Variants in C1QTNF3 observed in about 807,000 individuals in gnomAD.
C1QTNF3 encodes the protein C1q and TNF related 3.
C1QTNF3 carries 26 observed loss-of-function variants against 32.6 expected under a neutral mutation model. The ratio of observed to expected loss-of-function variants is 0.80; its 90% CI spans 0.58 to 1.11. The LOEUF is 1.11. C1QTNF3 is among the 50% of genes least tolerant of loss of function. The pLI, the probability that C1QTNF3 is intolerant of heterozygous loss-of-function variation, is 0.00. For missense variants in C1QTNF3, 362 were observed against 398.2 expected, an observed-to-expected ratio of 0.91 and a Z score of 0.77; for synonymous variants, 155 against 146.0, an observed-to-expected ratio of 1.06 and a Z score of -0.44.
At chr5:34,047,931 C>A (rs1038065205), upstream of C1QTNF3, among the ~76,000 whole-genome samples, 17 of 152,128 alleles carry the variant, frequency 1.1e-4, no homozygotes, top group Non-Finnish European at 1.6e-4. Context: ...CAGTACAGGG[C>A]AAAATGAGGA....
the C1QTNF3 span, among the ~76,000 whole-genome samples, chr5:34,187,478 T>C: frequency 6.6e-6 from 1 of 152,310 alleles, no homozygotes; most frequent in African/African-American, 2.4e-5. Context: ...TGAATGGCTT[T>C]GACCAAAATG....
chr5:34,210,621 T>C, the C1QTNF3 span, among the ~76,000 whole-genome samples: 1 of 152,018 alleles, frequency 6.6e-6, no homozygotes, highest in Non-Finnish European at 1.5e-5. Context: ...GGCCTACTTA[T>C]ATGCCATTAT....
chr5:34,163,084 T>C, the C1QTNF3 span, among the ~76,000 whole-genome samples: 3 of 152,220 alleles, frequency 2.0e-5, no homozygotes, highest in Admixed American at 6.5e-5. Context: ...ATATAACTTC[T>C]GTACAAATTA....
chr5:34,059,840 A>G, the C1QTNF3 span, among the ~76,000 whole-genome samples: 1 of 152,128 alleles, frequency 6.6e-6, no homozygotes, highest in Non-Finnish European at 1.5e-5. Flanking sequence ...AATAGCTATG[A>G]CCTGTAAAGA....
chr5:34,137,613 T>C, the C1QTNF3 span, among the ~76,000 whole-genome samples: 1 of 152,242 alleles, frequency 6.6e-6, no homozygotes, highest in Non-Finnish European at 1.5e-5. Context: ...AATGATTTTC[T>C]AAGTCTTTGA....
intron 2 of C1QTNF3, 100 bp from the exon 3 acceptor site, chr5:34,033,558 T>C (rs1409683705): frequency 1.4e-6 from 2 of 1,456,774 alleles, no homozygotes; most frequent in African/African-American, 1.4e-5. Context: ...AAGGGGACCA[T>C]TCAGAATAAT....
intron 1 of C1QTNF3, among the ~76,000 whole-genome samples, chr5:34,040,015 G>A (rs1238040002): frequency 1.3e-5 from 2 of 152,152 alleles, no homozygotes; most frequent in South Asian, 2.1e-4. Flanking sequence ...TGCATTACAC[G>A]TTCCTTCCTC....
At chr5:34,089,022 G>C in the C1QTNF3 span, among the ~76,000 whole-genome samples, 1 of 151,982 alleles carries the variant, frequency 6.6e-6, no homozygotes, top group Admixed American at 6.6e-5. Flanking sequence ...GACAGAGACA[G>C]ATTAATTTCC....
At chr5:34,221,088 T>C in the C1QTNF3 span, among the ~76,000 whole-genome samples, 35 of 152,252 alleles carry the variant, frequency 2.3e-4, no homozygotes, top group Admixed American at 3.3e-4. Flanking sequence ...TCTGTGTCCA[T>C]AGCAAAATGT....
chr5:34,229,407 C>T, the C1QTNF3 span, among the ~76,000 whole-genome samples: 3 of 151,984 alleles, frequency 2.0e-5, no homozygotes, highest in Non-Finnish European at 4.4e-5. Flanking sequence ...ATTTGTGGTA[C>T]CAGAACCTAT....
chr5:34,228,678 T>C, the C1QTNF3 span, among the ~76,000 whole-genome samples: 4 of 151,880 alleles, frequency 2.6e-5, no homozygotes, highest in Non-Finnish European at 4.4e-5. Flanking sequence ...ATATGAGATA[T>C]CGGTATCTGC....
At chr5:34,097,060 ATCTT>A in the C1QTNF3 span, among the ~76,000 whole-genome samples, 12 of 152,096 alleles carry the variant, frequency 7.9e-5, no homozygotes, top group East Asian at 1.9e-3. Flanking sequence ...AAAGATTTTT[ATCTT>A]TCTGTTTGGA....
At chr5:34,072,261 TA>T in the C1QTNF3 span, among the ~76,000 whole-genome samples, 3 of 150,092 alleles carry the variant, frequency 2.0e-5, no homozygotes, top group Admixed American at 2.0e-4. Flanking sequence ...GACCTGGAAT[TA>T]AAAGCATGAG....
the C1QTNF3 span, among the ~76,000 whole-genome samples, chr5:34,195,709 C>T: frequency 2.0e-5 from 3 of 151,600 alleles, no homozygotes; most frequent in East Asian, 1.9e-4. Context: ...GGCGCAGTGG[C>T]GGGCGCCTTA....
the C1QTNF3 span, among the ~76,000 whole-genome samples, chr5:34,217,440 T>C: frequency 2.0e-5 from 3 of 152,228 alleles, no homozygotes; most frequent in Non-Finnish European, 4.4e-5. Context: ...TACACTTACA[T>C]TCCTCTTTTA....
chr5:34,138,195 C>T, the C1QTNF3 span, among the ~76,000 whole-genome samples: 4 of 152,140 alleles, frequency 2.6e-5, no homozygotes, highest in Non-Finnish European at 5.9e-5. Context: ...GTTGTTTAAG[C>T]CATCCAGTCT....
chr5:34,135,267 C>T, the C1QTNF3 span, among the ~76,000 whole-genome samples: 2 of 152,056 alleles, frequency 1.3e-5, no homozygotes, highest in Admixed American at 1.3e-4. Flanking sequence ...GCGATGAAGC[C>T]GATCTTATTG....
intron 1 of C1QTNF3, among the ~76,000 whole-genome samples, chr5:34,042,240 A>G (rs749329016): frequency 2.0e-5 from 3 of 151,992 alleles, no homozygotes; most frequent in Non-Finnish European, 4.4e-5. Context: ...CAAACAGTTT[A>G]TTTTTTATTT....
the C1QTNF3 span, among the ~76,000 whole-genome samples, chr5:34,212,320 T>C: frequency 6.6e-6 from 1 of 152,106 alleles, no homozygotes; most frequent in Admixed American, 6.6e-5. Context: ...AACCTAGGCA[T>C]TACCATTCAG....
Sources: allele counts gnomAD v4.1 joint callset (sites outside exome capture counted in the v4.1 genomes callset), GRCh38; gene constraint gnomAD v4.1.1; transcripts MANE v1.5; gene names NCBI Gene and HGNC (gene_info 2026-07-23, HGNC 2026-07-21).